ARHGAP39: variants seen among roughly 807,000 people sequenced by gnomAD.
ARHGAP39 encodes rho GTPase-activating protein 39.
Under a neutral mutation model 106.9 loss-of-function variants are expected in ARHGAP39, and 44 were observed. That is an observed-to-expected ratio of 0.41 (90% CI 0.32 to 0.53). The LOEUF is 0.53. Among genes scored for constraint, ARHGAP39 ranks in the 20% least tolerant of loss-of-function variants. ARHGAP39 has a pLI of 0.21. For missense variants in ARHGAP39, 1,496 were observed against 1,577.3 expected (o/e 0.95, Z 0.87); for synonymous variants, 768 against 693.2 (o/e 1.11, Z -1.69).
intron 1 of ARHGAP39, among the ~76,000 whole-genome samples, chr8:144,651,044 C>T (rs1409562211): frequency 6.6e-6 from 1 of 152,160 alleles, no homozygotes; most frequent in Non-Finnish European, 1.5e-5. Flanking sequence ...AAGCTGATAA[C>T]TTCATCAAAG....
At chr8:144,697,468 G>C in the ARHGAP39 span, among the ~76,000 whole-genome samples, 1 of 151,854 alleles carries the variant, frequency 6.6e-6, no homozygotes, top group East Asian at 1.9e-4. Flanking sequence ...CTCTAGAATT[G>C]TATTCAATGT....
At chr8:144,537,926 C>T (rs1206850376) in intron 6 of ARHGAP39, 113 bp from the exon 7 acceptor site, 7 of 901,422 alleles carry the variant, frequency 7.8e-6, no homozygotes, top group African/African-American at 3.3e-5. Flanking sequence ...GGGGGCTCAC[C>T]CTGTGCAGCT....
chr8:144,692,748 CTTTTTT>C, the ARHGAP39 span, among the ~76,000 whole-genome samples: 18 of 69,050 alleles, frequency 2.6e-4, no homozygotes, highest in Non-Finnish European at 2.7e-4. Context: ...TTGTAAAATT[CTTTTTT>C]TTTTTTTTTT....
intron 2 of ARHGAP39, among the ~76,000 whole-genome samples, chr8:144,600,300 G>A (rs371274859): frequency 6.9e-4 from 105 of 151,644 alleles, no homozygotes; most frequent in Admixed American, 1.3e-3. Flanking sequence ...CTGCGTGTGC[G>A]TGTGCATGGA....
chr8:144,587,355 G>A (rs1213229905), intron 2 of ARHGAP39, among the ~76,000 whole-genome samples: 4 of 152,210 alleles, frequency 2.6e-5, no homozygotes, highest in South Asian at 2.1e-4. Context: ...GCCAGAACGC[G>A]TGGAATGCAC....
intron 2 of ARHGAP39, among the ~76,000 whole-genome samples, chr8:144,601,410 G>A (rs1353719227): frequency 8.2e-5 from 12 of 145,850 alleles, no homozygotes; most frequent in African/African-American, 7.7e-5. Flanking sequence ...GTCTACCTGC[G>A]TGCATGGAGG....
chr8:144,533,387 C>A (rs746531634), intron 8 of ARHGAP39, 62 bp from the exon 9 acceptor site: 8 of 1,531,928 alleles, frequency 5.2e-6, no homozygotes, highest in Admixed American at 1.8e-5. Flanking sequence ...CCCGCCACCC[C>A]GGTTGTCTTC....
intron 1 of ARHGAP39, among the ~76,000 whole-genome samples, chr8:144,639,734 G>C (rs555304140): frequency 5.9e-5 from 9 of 152,082 alleles, no homozygotes; most frequent in Non-Finnish European, 1.2e-4. Flanking sequence ...GATGTGAGCA[G>C]AGCACGTGCT....
rs1022604402 is a variant in ARHGAP39, at chr8:144,641,170, C to T, written c.-81-35475G>A. 6.6e-6 allele frequency among the ~76,000 whole-genome samples: 1 copy of T among 151,996 alleles called. No individual in the cohort carries two copies. Among genetic ancestry groups the T allele is most frequent in the South Asian group, 2.1e-4 (1 of 4,802 alleles). ...ATCCACCTGTTCTGCCACAGGATCA[C>T]GGGGGGAAAGACCACACCGGCTTCT... is the stretch of plus-strand genomic sequence containing the variant. On this transcript the variant is annotated intron_variant, in intron 1 of 11. Transcript: ENST00000377307. The surrounding 1 kb of genome is among the most constrained non-coding windows in gnomAD (Gnocchi z 5.2).
chr8:144,554,318 C>G (rs928444021), intron 4 of ARHGAP39, among the ~76,000 whole-genome samples: 4 of 152,206 alleles, frequency 2.6e-5, no homozygotes, highest in Admixed American at 1.3e-4. Context: ...CGACCCACCC[C>G]CTACTCCTGA....
At chr8:144,616,209 G>A (rs1459055664) in intron 1 of ARHGAP39, among the ~76,000 whole-genome samples, 1 of 152,216 alleles carries the variant, frequency 6.6e-6, no homozygotes, top group Non-Finnish European at 1.5e-5. Flanking sequence ...GTCTGGAGGG[G>A]CCTCTGTGCC....
chr8:144,692,208 C>G, the ARHGAP39 span, among the ~76,000 whole-genome samples: 1 of 152,132 alleles, frequency 6.6e-6, no homozygotes, highest in African/African-American at 2.4e-5. Flanking sequence ...CTCTCTCTGT[C>G]TCCTTCCCTC....
At chr8:144,662,203 T>C (rs1314912542) in intron 1 of ARHGAP39, among the ~76,000 whole-genome samples, 1 of 149,102 alleles carries the variant, frequency 6.7e-6, no homozygotes, top group East Asian at 2.0e-4. Flanking sequence ...CTCCCCATTA[T>C]CCGCCTTGGA....
At chr8:144,695,553 T>C in the ARHGAP39 span, among the ~76,000 whole-genome samples, 5 of 152,112 alleles carry the variant, frequency 3.3e-5, no homozygotes, top group Admixed American at 2.6e-4. Context: ...CGCCACACTT[T>C]GAGACGAATT....
chr8:144,554,618 A>C (rs914524622), intron 4 of ARHGAP39, among the ~76,000 whole-genome samples: 1 of 152,182 alleles, frequency 6.6e-6, no homozygotes, highest in East Asian at 1.9e-4. Context: ...GATCTGCCAC[A>C]GTGGGGGTGG....
intron 2 of ARHGAP39, among the ~76,000 whole-genome samples, chr8:144,596,763 A>G (rs1465644825): frequency 1.3e-5 from 2 of 152,210 alleles, no homozygotes; most frequent in Non-Finnish European, 2.9e-5. Flanking sequence ...GCACACAGAC[A>G]GAGGACCCAC....
At chr8:144,588,985 G>C (rs376137723) in intron 2 of ARHGAP39, among the ~76,000 whole-genome samples, 2 of 152,350 alleles carry the variant, frequency 1.3e-5, no homozygotes. Flanking sequence ...AGGGACATCA[G>C]GATCAATGTC....
chr8:144,652,495 A>G (rs539223970), intron 1 of ARHGAP39, among the ~76,000 whole-genome samples: 2 of 152,226 alleles, frequency 1.3e-5, no homozygotes, highest in East Asian at 3.9e-4. Context: ...AATAGCAAAG[A>G]TATGGAATCA....
rs775820900 is a variant in ARHGAP39, at chr8:144,548,288, G to A, written c.798C>T (p.Phe266=). 2 of 1,609,312 alleles carry A rather than the reference G, an allele frequency of 1.2e-6. No homozygotes were observed. Among genetic ancestry groups the A allele is most frequent in the Non-Finnish European group, 1.7e-6 (2 of 1,177,810 alleles). ...TFAPEADGTI[F]FPERRPSPFL... is the part of the protein sequence containing the mutation. The stretch of plus-strand genomic sequence containing the variant: ...AGGGTGACGGCCTCCTCTCTGGGAA[G>A]AAGATGGTGCCGTCAGCCTCCGGGG... Residue 266 remains phenylalanine (F), a synonymous_variant, in exon 5 of 12, where the codon TTC becomes TTT. Coordinates refer to ENST00000377307, the MANE Select transcript of ARHGAP39 (RefSeq NM_025251.3). The surrounding 1 kb of genome is among the most constrained non-coding windows in gnomAD (Gnocchi z 7.4).
Sources: allele counts gnomAD v4.1 joint callset (sites outside exome capture counted in the v4.1 genomes callset), GRCh38; gene constraint gnomAD v4.1.1; non-coding constraint Gnocchi (gnomAD v3.1); transcripts MANE v1.5; gene names NCBI Gene and HGNC (gene_info 2026-07-23, HGNC 2026-07-21).